SPON1: variants seen among roughly 807,000 people sequenced by gnomAD.
SPON1 encodes spondin 1, also known as spondin-1.
Under a neutral mutation model 111.7 loss-of-function variants are expected in SPON1, and 52 were observed. That is an observed-to-expected ratio of 0.47 (90% confidence interval 0.37 to 0.59). The LOEUF (loss-of-function observed/expected upper bound fraction) is 0.59. Among genes scored for constraint, SPON1 ranks in the 20% least tolerant of loss-of-function variants. The probability of loss-of-function intolerance (pLI) is 0.00; values close to 1 mark genes in which losing one functional copy is unlikely to be tolerated. For synonymous variants in SPON1, 410 were observed against 395.8 expected (o/e 1.04, Z -0.43); for missense variants, 957 against 1,068.5 (o/e 0.90, Z 1.46).
chr11:14,038,022 TG>T (rs540222118), intron 2 of SPON1, among the ~76,000 whole-genome samples: 20 of 142,492 alleles, frequency 1.4e-4, no homozygotes, highest in African/African-American at 4.5e-4. Flanking sequence ...AAAAATTAGC[TG>T]GGTGTAGTGG....
chr11:14,038,350 T>A (rs1848609469), intron 2 of SPON1, among the ~76,000 whole-genome samples: 1 of 151,890 alleles, frequency 6.6e-6, no homozygotes, highest in Non-Finnish European at 1.5e-5. Flanking sequence ...GCACCTGTAA[T>A]CCTAGCTACT....
chr11:14,184,331 G>A (rs1292787800), intron 6 of SPON1, among the ~76,000 whole-genome samples: 2 of 152,014 alleles, frequency 1.3e-5, no homozygotes, highest in African/African-American at 4.8e-5. Context: ...ATTTTCTCTT[G>A]GTTACCATGA....
chr11:14,067,041 G>T (rs1848838177), intron 3 of SPON1, among the ~76,000 whole-genome samples: 1 of 152,132 alleles, frequency 6.6e-6, no homozygotes, highest in African/African-American at 2.4e-5. Flanking sequence ...GCCAAGCATA[G>T]TGGCAGGCAC....
intron 6 of SPON1, among the ~76,000 whole-genome samples, chr11:14,198,617 T>C (rs145725404): frequency 1.3e-5 from 2 of 152,344 alleles, no homozygotes; most frequent in East Asian, 1.9e-4. Context: ...AGCTGGTGTT[T>C]CTGTTTGTGG....
chr11:14,090,034 C>G (rs561072400), intron 5 of SPON1, among the ~76,000 whole-genome samples: 155 of 152,138 alleles, frequency 1.0e-3, no homozygotes, highest in Non-Finnish European at 1.9e-3. Context: ...CTTCAGACTG[C>G]TGTGCTGGCA....
chr11:14,172,063 C>G (rs1356628796), intron 6 of SPON1, among the ~76,000 whole-genome samples: 14 of 152,086 alleles, frequency 9.2e-5, no homozygotes, highest in African/African-American at 3.4e-4. Flanking sequence ...CTTTCTGTCT[C>G]GTTGATCTGT....
Position 14,254,549 on chromosome 11 carries a change from A to G in SPON1, c.912A>G (p.Glu304=). 3.1e-6 allele frequency: 5 copies of G among 1,606,938 alleles called. No individual in the cohort carries two copies. Among genetic ancestry groups the G allele is most frequent in the Non-Finnish European group, 4.3e-6 (5 of 1,176,076 alleles). Residue 304 remains glutamate (E), a synonymous_variant, in exon 8 of 16, where the codon GAA becomes GAG. Transcript: ENST00000576479. ...CCAGGAGAGCAGCACCTTCAGCTGAATTTTCCGTGGACAGAACGCGCCATT... is the reference window on the plus strand; with the variant it reads ...CCAGGAGAGCAGCACCTTCAGCTGAGTTTTCCGTGGACAGAACGCGCCATT... ...PLNVRAAPSA[E]FSVDRTRHLM...
chr11:14,205,202 G>C (rs1848505263), intron 6 of SPON1, among the ~76,000 whole-genome samples: 1 of 152,154 alleles, frequency 6.6e-6, no homozygotes, highest in South Asian at 2.1e-4. Context: ...TACCATTCCT[G>C]CTTAGCAGCA....
chr11:14,185,928 C>A (rs915337788), intron 6 of SPON1, among the ~76,000 whole-genome samples: 3 of 152,214 alleles, frequency 2.0e-5, no homozygotes, highest in Non-Finnish European at 4.4e-5. Flanking sequence ...CCAGACTTTG[C>A]ATTTGATCTC....
intron 6 of SPON1, among the ~76,000 whole-genome samples, chr11:14,237,073 T>C (rs528293910): frequency 6.6e-6 from 1 of 152,330 alleles, no homozygotes; most frequent in East Asian, 1.9e-4. Context: ...GAGGGGAGGC[T>C]ACTGTTGGGC....
intron 2 of SPON1, among the ~76,000 whole-genome samples, chr11:13,994,710 AAAC>A (rs1415653507): frequency 1.3e-5 from 2 of 152,248 alleles, no homozygotes; most frequent in African/African-American, 2.4e-5. Flanking sequence ...CACATGAAAC[AAAC>A]AACAATAACA....
At chr11:13,996,374 G>T (rs1385206505) in intron 2 of SPON1, among the ~76,000 whole-genome samples, 1 of 152,216 alleles carries the variant, frequency 6.6e-6, no homozygotes, top group Non-Finnish European at 1.5e-5. Context: ...AGAAGCACAA[G>T]AAGCAATGTG....
At chr11:14,084,737 A>G (rs1848991937) in intron 5 of SPON1, among the ~76,000 whole-genome samples, 1 of 152,200 alleles carries the variant, frequency 6.6e-6, no homozygotes, top group South Asian at 2.1e-4. Flanking sequence ...GTGTTCCACA[A>G]TGGTTGAACT....
intron 6 of SPON1, among the ~76,000 whole-genome samples, chr11:14,218,090 A>C (rs888873860): frequency 1.5e-4 from 23 of 152,200 alleles, no homozygotes; most frequent in African/African-American, 4.8e-4. Flanking sequence ...TATGATTATC[A>C]TATTCATATT....
intron 1 of SPON1, among the ~76,000 whole-genome samples, chr11:13,963,449 C>T (rs909601285): frequency 5.3e-5 from 8 of 152,330 alleles, no homozygotes; most frequent in African/African-American, 1.9e-4. Flanking sequence ...AAGGGAGGCT[C>T]GCTTCTCCCC....
intron 6 of SPON1, among the ~76,000 whole-genome samples, chr11:14,204,567 C>T (rs1215257090): frequency 6.6e-6 from 1 of 152,032 alleles, no homozygotes; most frequent in Non-Finnish European, 1.5e-5. Context: ...GGATTACAGG[C>T]GTGAGTCACC....
intron 7 of SPON1, among the ~76,000 whole-genome samples, chr11:14,251,354 G>C (rs1408550110): frequency 6.6e-6 from 1 of 152,232 alleles, no homozygotes. Flanking sequence ...CCAGGGTCTA[G>C]AGGGTATCTC....
rs190313754 is a variant in SPON1 at position 14,267,495 on chromosome 11, G to A, written c.*1808G>A. 2.0e-5 allele frequency: 3 copies of A among 152,270 alleles called. No homozygotes were observed. Among genetic ancestry groups the A allele is most frequent in the Admixed American group, 2.0e-4 (3 of 15,292 alleles). The allele number at this position is 152,270 out of a possible 1,614,324, so 9.4% of individuals were successfully genotyped here. ...ACCCACTTTTGCAATGTTGTTCTAA[G>A]CTATCTATCTAACTCTCAGCCCATG... On this transcript the variant is annotated 3_prime_UTR_variant, in exon 16 of 16. Transcript: ENST00000576479.
rs1848309705 is a variant in SPON1, at chr11:14,000,612, A to G, written c.345+17659A>G. 8.5e-5 allele frequency among the ~76,000 whole-genome samples: 13 copies of G among 152,208 alleles called. 1 individual carries two copies. In the South Asian group the frequency reaches 2.7e-3, roughly 32 times the overall value. ...GTTTTTTCATCATGAAATGACACTGACTTATGGTATTGATAAGGATTCTGG... is the reference window on the plus strand; with the variant it reads ...GTTTTTTCATCATGAAATGACACTGGCTTATGGTATTGATAAGGATTCTGG... On this transcript the variant is annotated intron_variant, in intron 2 of 15. Coordinates refer to ENST00000576479, the MANE Select transcript of SPON1 (RefSeq NM_006108.4).
Sources: allele counts gnomAD v4.1 joint callset (sites outside exome capture counted in the v4.1 genomes callset), GRCh38; gene constraint gnomAD v4.1.1; transcripts MANE v1.5; gene names NCBI Gene and HGNC (gene_info 2026-07-23, HGNC 2026-07-21).